TBL1XR1: variants seen among roughly 807,000 people sequenced by gnomAD.
TBL1XR1 encodes F-box-like/WD repeat-containing protein TBL1XR1.
Under a neutral mutation model 66.9 loss-of-function variants are expected in TBL1XR1, and 5 were observed. The observed-to-expected ratio is 0.07, with a 90% CI of 0.04 to 0.16. TBL1XR1 has a LOEUF of 0.16. TBL1XR1 is among the 10% of genes least tolerant of loss of function. The pLI is 1.00. For missense variants in TBL1XR1, 238 were observed against 623.2 expected (o/e 0.38, Z 6.58); for synonymous variants, 210 against 206.0 (o/e 1.02, Z -0.17).
At chr3:177,038,491 G>A in intron 10 of TBL1XR1, 57 bp from the exon 11 acceptor site, 1 of 1,413,192 alleles carries the variant, frequency 7.1e-7, no homozygotes. Context: ...AAATCCAAGA[G>A]TTTTAGCTTT....
At chr3:177,061,375 T>TA (rs1192764095) in intron 3 of TBL1XR1, among the ~76,000 whole-genome samples, 2 of 152,204 alleles carry the variant, frequency 1.3e-5, no homozygotes, top group African/African-American at 4.8e-5. Context: ...CCCCTGCAGA[T>TA]AGATAACACA....
At chr3:177,111,797 T>G (rs536289987) in intron 1 of TBL1XR1, among the ~76,000 whole-genome samples, 2 of 152,054 alleles carry the variant, frequency 1.3e-5, no homozygotes, top group East Asian at 3.9e-4. Context: ...GAGCTAAACA[T>G]TAAACCAAGG....
At chr3:177,065,153 C>T (rs531524672) in intron 2 of TBL1XR1, 131 bp from the exon 3 acceptor site, 390 of 512,464 alleles carry the variant, frequency 7.6e-4, no homozygotes, top group Non-Finnish European at 5.1e-4. Flanking sequence ...AATAATAAAA[C>T]CTGACAAAGT....
At chr3:177,148,823 G>C (rs921953797) in intron 1 of TBL1XR1, among the ~76,000 whole-genome samples, 21 of 152,186 alleles carry the variant, frequency 1.4e-4, no homozygotes, top group African/African-American at 4.8e-4. Flanking sequence ...TGGCAAACAT[G>C]GAGAAACCCT....
intron 1 of TBL1XR1, among the ~76,000 whole-genome samples, chr3:177,142,785 G>T (rs1421450849): frequency 6.6e-6 from 1 of 152,032 alleles, no homozygotes; most frequent in Non-Finnish European, 1.5e-5. Flanking sequence ...CCAATTCATG[G>T]ATTTCACATT....
At position 177,075,145 on chromosome 3, in the gene TBL1XR1, C is replaced by T. The variant is rs190708222; in HGVS notation, c.-45-10123G>A. 1.9e-3 allele frequency among the ~76,000 whole-genome samples: 288 copies of T among 152,356 alleles called. 1 individual carries two copies. Among genetic ancestry groups the T allele is most frequent in the Middle Eastern group, 0.01 (3 of 294 alleles). On this transcript the variant is annotated intron_variant, in intron 2 of 15. Coordinates refer to ENST00000457928, the MANE Select transcript of TBL1XR1 (RefSeq NM_024665.7). Reference sequence around the variant, plus strand: ...GAAGTGAACTGTGTTGGCAGTGCCACGATCCCTCCAACGGAAAAGAGAGTC... The same window carrying T: ...GAAGTGAACTGTGTTGGCAGTGCCATGATCCCTCCAACGGAAAAGAGAGTC...
chr3:177,136,152 A>T (rs1373738708), intron 1 of TBL1XR1: 1 of 152,190 alleles, frequency 6.6e-6, no homozygotes, highest in Non-Finnish European at 1.5e-5. Context: ...CATGAAAGGC[A>T]AATATTGCTT....
chr3:177,200,550 T>G (rs1737319853), upstream of TBL1XR1, among the ~76,000 whole-genome samples: 5 of 152,186 alleles, frequency 3.3e-5, no homozygotes, highest in Non-Finnish European at 4.4e-5. Flanking sequence ...AAGCAATGAT[T>G]AGACTCACTG....
intron 1 of TBL1XR1, among the ~76,000 whole-genome samples, chr3:177,182,715 C>CTAGTGG (rs1734975438): frequency 6.6e-6 from 1 of 152,094 alleles, no homozygotes; most frequent in African/African-American, 2.4e-5. Flanking sequence ...AAACACATGA[C>CTAGTGG]TAGTGGTCAT....
At chr3:177,058,503 A>C (rs929886638) in intron 3 of TBL1XR1, among the ~76,000 whole-genome samples, 1 of 152,214 alleles carries the variant, frequency 6.6e-6, no homozygotes, top group Non-Finnish European at 1.5e-5. Context: ...TTCAGCCAGT[A>C]AATTATTCAC....
At chr3:177,151,530 G>C (rs1338348594) in intron 1 of TBL1XR1, among the ~76,000 whole-genome samples, 1 of 152,124 alleles carries the variant, frequency 6.6e-6, no homozygotes, top group Non-Finnish European at 1.5e-5. Context: ...ACTAATGCCT[G>C]ATGAAACCAC....
At chr3:177,155,981 C>G (rs1164026147) in intron 1 of TBL1XR1, among the ~76,000 whole-genome samples, 2 of 151,660 alleles carry the variant, frequency 1.3e-5, no homozygotes, top group Non-Finnish European at 2.9e-5. Flanking sequence ...TGCACTCCAG[C>G]CTGGGCAACA....
chr3:177,138,609 GA>G (rs60532991), intron 1 of TBL1XR1, among the ~76,000 whole-genome samples: 54,685 of 151,696 alleles, frequency 0.36, 10,409 homozygotes, highest in Middle Eastern at 0.47. Flanking sequence ...AAAAAAGGGA[GA>G]GGGGGAAAGT....
rs1184777321 is a variant in TBL1XR1, at chr3:177,197,196, G to GCCGCCA, written c.-203_-198dup. The GCCGCCA allele has an allele frequency of 1.3e-5, 2 of 153,680 alleles. No homozygotes were observed. The highest frequency in any genetic ancestry group is 1.5e-5 in the Non-Finnish European group (1 of 68,956). 9.5% of individuals were successfully genotyped at this position (153,680 alleles called of 1,614,324 possible). ...CAAGGAAATTCCCCTCCTCGCCGCC[G>GCCGCCA]CCGCCACCGCCTCCAACCACCCCCA... On this transcript the variant is annotated 5_prime_UTR_variant, in exon 1 of 16. Coordinates refer to ENST00000457928, the MANE Select transcript of TBL1XR1 (RefSeq NM_024665.7).
At chr3:177,042,365 C>CA (rs1373989431) in intron 10 of TBL1XR1, among the ~76,000 whole-genome samples, 1 of 151,784 alleles carries the variant, frequency 6.6e-6, no homozygotes, top group Non-Finnish European at 1.5e-5. Flanking sequence ...GGGCAGCCTG[C>CA]AAAATGTTAG....
rs756214140 is a variant in TBL1XR1, at chr3:177,051,575, C to G, written c.356G>C (p.Ser119Thr). The change falls in exon 5 of 16, where the codon AGC becomes ACC. Residue 119 changes from serine to threonine, a missense_variant. Physicochemically the swap from Ser to Thr is moderately conservative, Grantham distance 58. This residue lies in a region of TBL1XR1 where 80 missense variants were observed against 100.5 expected (regional missense o/e 0.80). Transcript: ENST00000457928. ...TCCATTTTTTGCAGATCCTTGTTGG[C>G]TGGCTGCAGCTGCGGCAGCTGCAGC... ...AAAAAAAAAA[S>T]QQGSAKNGEN... 32 of 1,613,568 alleles carry G rather than the reference C, an allele frequency of 2.0e-5. No homozygotes were observed. Among genetic ancestry groups the G allele is most frequent in the Non-Finnish European group, 2.5e-5 (29 of 1,179,766 alleles).
At chr3:177,139,488 T>TCACAC (rs1205688758) in intron 1 of TBL1XR1, among the ~76,000 whole-genome samples, 8 of 149,296 alleles carry the variant, frequency 5.4e-5, no homozygotes, top group African/African-American at 1.2e-4. Context: ...TGAGCTGAGA[T>TCACAC]CACACCACTG....
chr3:177,149,656 C>A (rs1171079762), intron 1 of TBL1XR1, among the ~76,000 whole-genome samples: 1 of 152,184 alleles, frequency 6.6e-6, no homozygotes. Flanking sequence ...TGGGCCAAAT[C>A]CTACCTGCTT....
At chr3:177,030,661 A>C (rs1713851045) in intron 14 of TBL1XR1, among the ~76,000 whole-genome samples, 1 of 152,246 alleles carries the variant, frequency 6.6e-6, no homozygotes, top group Non-Finnish European at 1.5e-5. Flanking sequence ...AAATCTGAGC[A>C]GTAGATATAT....
Sources: gnomAD v4.1 joint callset for allele counts (sites outside exome capture counted in the v4.1 genomes callset) on GRCh38, gnomAD v4.1.1 for gene constraint, gnomAD v4.1.1 regional missense constraint, MANE v1.5 for transcripts, NCBI Gene and HGNC (gene_info 2026-07-23, HGNC 2026-07-21) for gene names.